Variants in RAD51B observed in about 807,000 individuals in gnomAD.
RAD51B encodes the protein RAD51 paralog B, also known as DNA repair protein RAD51 homolog 2.
Under a neutral mutation model 42.2 loss-of-function variants are expected in RAD51B, and 38 were observed. The ratio of observed to expected loss-of-function variants is 0.90; its 90% confidence interval spans 0.70 to 1.18. The LOEUF (loss-of-function observed/expected upper bound fraction) is 1.18, where lower values mean the gene tolerates loss of function less well. Among genes scored for constraint, RAD51B ranks in the 50% most tolerant of loss-of-function variants. RAD51B has a pLI of 0.00. For missense variants in RAD51B, 373 were observed against 400.7 expected (o/e 0.93, Z 0.59); for synonymous variants, 154 against 145.2 (o/e 1.06, Z -0.43).
chr14:67,883,301 A>T (rs1212602498), intron 5 of RAD51B, among the ~76,000 whole-genome samples: 2 of 49,872 alleles, frequency 4.0e-5, no homozygotes, highest in African/African-American at 6.2e-5. Context: ...GCTAAATAAA[A>T]GCTAAAAAAA....
At position 68,159,890 on chromosome 14, in the gene RAD51B, T is replaced by G. The variant is rs185292766; in HGVS notation, c.757-131994T>G. ...ACTTATTAACCCAATTACTTTATGC[T>G]TCAATGGGCTTGTCATTGGGTAGCC... On this transcript the variant is annotated intron_variant, in intron 7 of 10. Transcript: ENST00000471583. Among the ~76,000 whole-genome samples the G allele has an allele frequency of 7.2e-4, 110 of 152,352 alleles. 1 individual carries two copies. Among genetic ancestry groups the G allele is most frequent in the African/African-American group, 2.4e-3 (99 of 41,578 alleles).
intron 7 of RAD51B, among the ~76,000 whole-genome samples, chr14:68,102,815 T>A (rs915706699): frequency 6.6e-6 from 1 of 152,118 alleles, no homozygotes; most frequent in African/African-American, 2.4e-5. Flanking sequence ...ACTATATTAG[T>A]CTGTTCTTAT....
intron 7 of RAD51B, among the ~76,000 whole-genome samples, chr14:68,176,369 T>G (rs1230377208): frequency 6.6e-6 from 1 of 152,212 alleles, no homozygotes; most frequent in Non-Finnish European, 1.5e-5. Flanking sequence ...ACCTGTACTC[T>G]TAATCAGTAT....
intron 7 of RAD51B, among the ~76,000 whole-genome samples, chr14:68,022,387 T>G (rs1420461618): frequency 6.6e-6 from 1 of 152,250 alleles, no homozygotes; most frequent in Non-Finnish European, 1.5e-5. Flanking sequence ...ATCCTGGTGA[T>G]GAACATATGA....
intron 7 of RAD51B, among the ~76,000 whole-genome samples, chr14:68,088,558 AG>A (rs922679650): frequency 2.0e-5 from 3 of 151,168 alleles, no homozygotes; most frequent in African/African-American, 7.3e-5. Context: ...ATGCCAGAAA[AG>A]CTTTCTGTGT....
intron 7 of RAD51B, among the ~76,000 whole-genome samples, chr14:67,920,510 G>T (rs1351540921): frequency 6.6e-6 from 1 of 151,686 alleles, no homozygotes; most frequent in Non-Finnish European, 1.5e-5. Flanking sequence ...TTCTCATTTG[G>T]CCAGTTAATA....
At chr14:68,112,450 A>G (rs1254680910) in intron 7 of RAD51B, among the ~76,000 whole-genome samples, 1 of 152,080 alleles carries the variant, frequency 6.6e-6, no homozygotes, top group Non-Finnish European at 1.5e-5. Flanking sequence ...CCCTGGACTA[A>G]GATAGATGGC....
chr14:68,211,131 G>A (rs1252739647), intron 7 of RAD51B, among the ~76,000 whole-genome samples: 1 of 152,158 alleles, frequency 6.6e-6, no homozygotes, highest in African/African-American at 2.4e-5. Context: ...GTCAGAACAA[G>A]AGCATTGCCA....
intron 7 of RAD51B, among the ~76,000 whole-genome samples, chr14:68,060,094 T>C (rs1027862558): frequency 1.3e-5 from 2 of 152,180 alleles, no homozygotes; most frequent in Non-Finnish European, 2.9e-5. Flanking sequence ...TGACCACTTT[T>C]TAGCTATGAT....
At chr14:68,419,675 C>T (rs779686669) in intron 9 of RAD51B, among the ~76,000 whole-genome samples, 3 of 152,222 alleles carry the variant, frequency 2.0e-5, no homozygotes, top group South Asian at 2.1e-4. Context: ...TAAATCCTGG[C>T]TCCCTAGTCC....
chr14:67,873,680 A>G lies in RAD51B; in HGVS notation c.452+8541A>G, dbSNP rs11628247. The stretch of plus-strand genomic sequence containing the variant: ...ATTATTCACAATAGCAAAGACTTGG[A>G]ACCAACCCAAATGTCCAACAATGAT... On this transcript the variant is annotated intron_variant, in intron 5 of 10. Transcript: ENST00000471583. Among the ~76,000 whole-genome samples, 748 of 150,102 alleles carry G rather than the reference A, an allele frequency of 5.0e-3. 2 individuals carry two copies. Among genetic ancestry groups the G allele is most frequent in the Non-Finnish European group, 8.6e-3 (581 of 67,370 alleles).
chr14:67,839,751 T>A (rs2041363348), intron 4 of RAD51B, among the ~76,000 whole-genome samples: 1 of 151,998 alleles, frequency 6.6e-6, no homozygotes, highest in Non-Finnish European at 1.5e-5. Flanking sequence ...GCTTCTAACT[T>A]CTTAAATTAG....
At chr14:68,569,313 C>T (rs906148012) in intron 10 of RAD51B, among the ~76,000 whole-genome samples, 1 of 152,216 alleles carries the variant, frequency 6.6e-6, no homozygotes, top group Non-Finnish European at 1.5e-5. Context: ...AAAGGCCTCT[C>T]TCTCCCTCTT....
chr14:68,041,870 G>A (rs569496486), intron 7 of RAD51B, among the ~76,000 whole-genome samples: 4 of 152,120 alleles, frequency 2.6e-5, no homozygotes, highest in African/African-American at 9.6e-5. Flanking sequence ...ATTCTACCTT[G>A]CAGCCATCTG....
At chr14:67,989,539 G>A (rs1209790178) in intron 7 of RAD51B, among the ~76,000 whole-genome samples, 2 of 148,900 alleles carry the variant, frequency 1.3e-5, no homozygotes, top group East Asian at 2.0e-4. Context: ...TCAGGAGGCT[G>A]AGGCAGGAGA....
chr14:68,272,041 G>GC (rs1413883027), intron 7 of RAD51B, among the ~76,000 whole-genome samples: 5 of 152,098 alleles, frequency 3.3e-5, no homozygotes, highest in African/African-American at 1.2e-4. Flanking sequence ...CACACTTTTT[G>GC]CCCTGTCACC....
At chr14:68,247,116 C>G (rs1395402400) in intron 7 of RAD51B, among the ~76,000 whole-genome samples, 3 of 152,044 alleles carry the variant, frequency 2.0e-5, no homozygotes, top group Non-Finnish European at 2.9e-5. Flanking sequence ...GAAATTCTAC[C>G]AGCATTAAGT....
At chr14:68,648,175 GT>G (rs1892623336) in intron 10 of RAD51B, among the ~76,000 whole-genome samples, 1 of 132,502 alleles carries the variant, frequency 7.5e-6, no homozygotes, top group Non-Finnish European at 1.6e-5. Flanking sequence ...ATATACACAC[GT>G]ATATATATAT....
intron 10 of RAD51B, among the ~76,000 whole-genome samples, chr14:68,469,471 G>C (rs917707889): frequency 2.0e-5 from 3 of 152,220 alleles, no homozygotes; most frequent in African/African-American, 7.2e-5. Flanking sequence ...TGAGAACTAC[G>C]ACCTTTGGCT....
Sources: gnomAD v4.1 joint callset for allele counts (sites outside exome capture counted in the v4.1 genomes callset) on GRCh38, gnomAD v4.1.1 for gene constraint, MANE v1.5 for transcripts, NCBI Gene and HGNC (gene_info 2026-07-23, HGNC 2026-07-21) for gene names.